Variants in NVL observed in about 807,000 individuals in gnomAD.
NVL encodes the protein nuclear valosin-containing protein-like.
NVL carries 84 observed loss-of-function variants against 110.2 expected under a neutral mutation model. That is an observed-to-expected ratio of 0.76 (90% CI 0.64 to 0.91). The LOEUF is 0.91. Ranked by LOEUF, NVL falls within the 40% of genes least tolerant of loss-of-function variation. NVL has a pLI of 0.00. For missense variants in NVL, 882 were observed against 1,035.9 expected, an observed-to-expected ratio of 0.85 and a Z score of 2.04; for synonymous variants, 354 against 361.1, an observed-to-expected ratio of 0.98 and a Z score of 0.22.
chr1:224,228,917 T>A (rs1342817147), intron 22 of NVL, among the ~76,000 whole-genome samples: 1 of 69,402 alleles, frequency 1.4e-5, no homozygotes, highest in East Asian at 4.8e-4. Context: ...AGAGCGAGAC[T>A]CCGTCTCAAA....
intron 4 of NVL, chr1:224,312,895 T>C (rs984917387): frequency 2.0e-5 from 3 of 150,368 alleles, no homozygotes; most frequent in African/African-American, 7.3e-5. Flanking sequence ...TTTTTTTTTT[T>C]AGGTAGAAAG....
intron 4 of NVL, among the ~76,000 whole-genome samples, chr1:224,315,052 T>C (rs1669933881): frequency 2.0e-5 from 1 of 50,436 alleles, no homozygotes; most frequent in African/African-American, 8.0e-5. Flanking sequence ...CAAATAACTC[T>C]GTTTCTTTTT....
intron 12 of NVL, among the ~76,000 whole-genome samples, chr1:224,291,725 T>A (rs1293682318): frequency 6.6e-6 from 1 of 152,190 alleles, no homozygotes; most frequent in Non-Finnish European, 1.5e-5. Flanking sequence ...GTCAAAAACA[T>A]CATGATAAAC....
At chr1:224,329,125 C>G (rs1175083422) in intron 1 of NVL, among the ~76,000 whole-genome samples, 1 of 152,046 alleles carries the variant, frequency 6.6e-6, no homozygotes, top group Non-Finnish European at 1.5e-5. Flanking sequence ...GAGGGAGGAT[C>G]ACTTGAGTCA....
chr1:224,240,318 C>T (rs1317586255), intron 19 of NVL, among the ~76,000 whole-genome samples: 1 of 152,168 alleles, frequency 6.6e-6, no homozygotes. Flanking sequence ...ATCCACCCAC[C>T]TTGGCCTCCC....
chr1:224,300,602 T>C lies in NVL; in HGVS notation c.1022A>G (p.Glu341Gly). 6.2e-7 allele frequency: 1 copy of C among 1,613,998 alleles called. No individual in the cohort carries two copies. The highest frequency in any genetic ancestry group is 8.5e-7 in the Non-Finnish European group (1 of 1,179,946). The change falls in exon 10 of 23, where the codon GAG becomes GGG. Residue 341 changes from glutamate (E) to glycine (G), a missense_variant. Transcript: ENST00000281701. Reference protein sequence around the residue: ...APEIVSGVSGESEQKLRELFE... With the variant: ...APEIVSGVSGGSEQKLRELFE... ...TAGTTCTCTCAGCTTCTGCTCAGAC[T>C]CTCCGGATACTCCAGACACAATCTC...
intron 4 of NVL, among the ~76,000 whole-genome samples, chr1:224,313,877 C>T (rs1311455384): frequency 6.6e-6 from 1 of 152,070 alleles, no homozygotes; most frequent in Non-Finnish European, 1.5e-5. Context: ...GTGGTGGGTG[C>T]CTGTAATCCC....
intron 18 of NVL, among the ~76,000 whole-genome samples, chr1:224,267,536 A>G (rs1166634124): frequency 6.6e-6 from 1 of 152,032 alleles, no homozygotes; most frequent in Non-Finnish European, 1.5e-5. Flanking sequence ...AAAAATACAA[A>G]AAATAGCCGG....
chr1:224,290,947 C>T (rs12128376), intron 12 of NVL, among the ~76,000 whole-genome samples: 6,445 of 151,996 alleles, frequency 0.042, 198 homozygotes, highest in Non-Finnish European at 0.067. Context: ...CCAGCCCGGA[C>T]GACAGAGCAA....
intron 18 of NVL, among the ~76,000 whole-genome samples, chr1:224,261,744 G>T (rs1558271271): frequency 6.6e-6 from 1 of 152,112 alleles, no homozygotes; most frequent in Non-Finnish European, 1.5e-5. Flanking sequence ...TTGAGCCCAG[G>T]AGTTTGAGAC....
intron 2 of NVL, among the ~76,000 whole-genome samples, chr1:224,318,407 A>G (rs1379489921): frequency 6.6e-6 from 1 of 151,482 alleles, no homozygotes; most frequent in Non-Finnish European, 1.5e-5. Context: ...GTTTGAGACC[A>G]TCCCTGCCAA....
In NVL at chr1:224,289,562, TTTC is replaced by T. The variant is rs1413949995; in HGVS notation, c.1494_1496del (p.Lys499del). The T allele has an allele frequency of 1.9e-6, 3 of 1,614,142 alleles. No homozygotes were observed. The African/African-American group carries it at 4.0e-5, about 22-fold the overall frequency. On this transcript the variant is annotated inframe_deletion, in exon 13 of 23. Transcript: ENST00000281701. Reference sequence around the variant, plus strand: ...ATGGCAAATCTTCCATTTCAGGATTTTTCTTCTGCTGTTCCTGTAGCTTCATTA... The same window carrying T: ...ATGGCAAATCTTCCATTTCAGGATTTTTCTGCTGTTCCTGTAGCTTCATTA...
At chr1:224,273,033 C>G (rs1056070336) in intron 17 of NVL, among the ~76,000 whole-genome samples, 1 of 28,498 alleles carries the variant, frequency 3.5e-5, no homozygotes, top group Admixed American at 4.6e-4. Flanking sequence ...GACTCCGTCT[C>G]AAAAAAAAAC....
chr1:224,252,095 A>G (rs1224959118), intron 18 of NVL, among the ~76,000 whole-genome samples: 1 of 151,996 alleles, frequency 6.6e-6, no homozygotes, highest in African/African-American at 2.4e-5. Context: ...CGCCCTGTTT[A>G]CACCAGATGT....
At position 224,330,149 on chromosome 1, in the gene NVL, A is replaced by G. The variant is rs533979462; in HGVS notation, c.-22T>C. Reference sequence around the variant, plus strand: ...TCATCGCGTCGGTCTTCCAAGCCACAGCTCGGACCGCCAGCTCCTAGTCAA... The same window carrying G: ...TCATCGCGTCGGTCTTCCAAGCCACGGCTCGGACCGCCAGCTCCTAGTCAA... On this transcript the variant is annotated 5_prime_UTR_variant, in exon 1 of 23. Coordinates refer to ENST00000281701, the MANE Select transcript of NVL (RefSeq NM_002533.4). The G allele has an allele frequency of 3.7e-6, 6 of 1,613,588 alleles. No homozygotes were observed. The African/African-American group carries it at 6.7e-5, about 18-fold the overall frequency.
At chr1:224,243,915 C>T (rs1212189941) in intron 19 of NVL, among the ~76,000 whole-genome samples, 8 of 151,748 alleles carry the variant, frequency 5.3e-5, no homozygotes, top group Admixed American at 2.0e-4. Flanking sequence ...CTGTCTCAGT[C>T]TCCCAAAGTG....
At chr1:224,266,997 T>G (rs1287217070) in intron 18 of NVL, among the ~76,000 whole-genome samples, 1 of 152,248 alleles carries the variant, frequency 6.6e-6, no homozygotes, top group Non-Finnish European at 1.5e-5. Context: ...AACTGGTCTT[T>G]GCCCACCTTT....
chr1:224,262,070 T>C (rs1233227364), intron 18 of NVL, among the ~76,000 whole-genome samples: 1 of 151,992 alleles, frequency 6.6e-6, no homozygotes, highest in Non-Finnish European at 1.5e-5. Context: ...TTCTAAGCAT[T>C]AATACCTCAA....
At position 224,227,612 on chromosome 1, in the gene NVL, G is replaced by A. The variant is rs770161291; in HGVS notation, c.*14C>T. ...CTTGATGGGCTAGCTCCTCTAAGCC[G>A]GCTGCTGGAGACATCACCGGCTGAG... On this transcript the variant is annotated 3_prime_UTR_variant, in exon 23 of 23. Coordinates refer to ENST00000281701, the MANE Select transcript of NVL (RefSeq NM_002533.4). 1.9e-5 allele frequency: 30 copies of A among 1,606,554 alleles called. No individual in the cohort carries two copies. The highest frequency in any genetic ancestry group is 6.7e-5 in the East Asian group (3 of 44,582).
Sources: gnomAD v4.1 joint callset for allele counts (sites outside exome capture counted in the v4.1 genomes callset) on GRCh38, gnomAD v4.1.1 for gene constraint, MANE v1.5 for transcripts, NCBI Gene and HGNC (gene_info 2026-07-23, HGNC 2026-07-21) for gene names.